Variants in TYW1 observed in about 807,000 individuals in gnomAD.
The protein encoded by TYW1 is tRNA-yW synthesizing protein 1 homolog, also known as S-adenosyl-L-methionine-dependent tRNA 4-demethylwyosine synthase TYW1.
Under a neutral mutation model 96.2 loss-of-function variants are expected in TYW1, and 46 were observed. The observed-to-expected ratio is 0.48, with a 90% CI of 0.38 to 0.61. The LOEUF (loss-of-function observed/expected upper bound fraction) is 0.61. TYW1 is among the 20% of genes least tolerant of loss of function. The pLI is 0.00. For synonymous variants in TYW1, 274 were observed against 323.0 expected, an observed-to-expected ratio of 0.85 and a Z score of 1.63; for missense variants, 684 against 909.6, an observed-to-expected ratio of 0.75 and a Z score of 3.19.
In TYW1 at chr7:67,076,362, C is replaced by G. The variant is rs373384291; in HGVS notation, c.1275-7068C>G. On this transcript the variant is annotated intron_variant, in intron 10 of 15. Coordinates refer to ENST00000359626, the MANE Select transcript of TYW1 (RefSeq NM_018264.4). ...TTGCTGAGAAAATTAAATTTATGTT[C>G]AGTTGCTATTTCTTTGTGACACTGG... 3.9e-5 allele frequency among the ~76,000 whole-genome samples: 6 copies of G among 152,286 alleles called. No homozygotes were observed. The East Asian group carries it at 9.6e-4, about 24-fold the overall frequency.
chr7:67,096,178 A>G lies in TYW1; in HGVS notation c.1385-2363A>G, dbSNP rs372048307. ...GCCGAGGCGGGCAGATCACGAGGTC[A>G]GGAGATCGAGACCATCCTGGCCAAC... is the stretch of plus-strand genomic sequence containing the variant. On this transcript the variant is annotated intron_variant, in intron 11 of 15. Coordinates refer to ENST00000359626, the MANE Select transcript of TYW1 (RefSeq NM_018264.4). Among the ~76,000 whole-genome samples, 19 of 152,356 alleles carry G rather than the reference A, an allele frequency of 1.2e-4. No homozygotes were observed. In the South Asian group the frequency reaches 3.9e-3, roughly 32 times the overall value.
intron 4 of TYW1, among the ~76,000 whole-genome samples, chr7:67,013,739 CTTT>C (rs931500833): frequency 5.1e-5 from 5 of 97,526 alleles, no homozygotes; most frequent in Admixed American, 1.3e-4. Flanking sequence ...GCATTTTTTC[CTTT>C]TTTTTTTTTT....
At chr7:67,160,623 A>C (rs970159558) in intron 13 of TYW1, among the ~76,000 whole-genome samples, 3 of 148,092 alleles carry the variant, frequency 2.0e-5, no homozygotes, top group Non-Finnish European at 4.4e-5. Flanking sequence ...TTGGAGTCTC[A>C]CTCTGTTGGC....
chr7:67,186,540 T>C (rs1800030405), intron 14 of TYW1, among the ~76,000 whole-genome samples: 1 of 152,072 alleles, frequency 6.6e-6, no homozygotes, highest in Non-Finnish European at 1.5e-5. Flanking sequence ...TAGACTGGAG[T>C]GCAGTGGTGC....
intron 7 of TYW1, among the ~76,000 whole-genome samples, chr7:67,028,897 C>T (rs541171785): frequency 1.9e-4 from 29 of 152,264 alleles, no homozygotes; most frequent in African/African-American, 6.7e-4. Context: ...GGTATATCCA[C>T]ACAATGGAAT....
chr7:67,156,074 C>T (rs7793104), intron 13 of TYW1, among the ~76,000 whole-genome samples: 33,568 of 151,942 alleles, frequency 0.22, 3,796 homozygotes, highest in South Asian at 0.28. Context: ...CCCGATCATT[C>T]GTAAGGCACC....
intron 13 of TYW1, among the ~76,000 whole-genome samples, chr7:67,156,395 C>T (rs927184207): frequency 6.6e-6 from 1 of 152,232 alleles, no homozygotes; most frequent in Non-Finnish European, 1.5e-5. Flanking sequence ...GACACATCTT[C>T]ATGCCCAGAG....
chr7:67,055,687 A>G (rs1188468457), intron 8 of TYW1, 148 bp from the exon 9 acceptor site: 1 of 547,730 alleles, frequency 1.8e-6, no homozygotes, highest in Non-Finnish European at 3.3e-6. Context: ...CATCTTGCTG[A>G]ATTAAATCTT....
intron 14 of TYW1, among the ~76,000 whole-genome samples, chr7:67,187,329 G>A (rs1800060800): frequency 1.3e-5 from 2 of 152,094 alleles, no homozygotes; most frequent in South Asian, 4.1e-4. Flanking sequence ...CTCCCAAAGT[G>A]TTGGGATTAC....
chr7:67,070,061 CT>C (rs1340270312), intron 10 of TYW1, among the ~76,000 whole-genome samples: 1 of 152,190 alleles, frequency 6.6e-6, no homozygotes, highest in Non-Finnish European at 1.5e-5. Flanking sequence ...CTCCCACTGC[CT>C]TCTGGCCTCC....
chr7:67,056,219 G>A (rs1795511443), intron 9 of TYW1, among the ~76,000 whole-genome samples: 5 of 152,134 alleles, frequency 3.3e-5, no homozygotes, highest in Admixed American at 3.3e-4. Flanking sequence ...GTGGCCAGAT[G>A]CAGTGGCTCA....
At chr7:67,231,202 C>T (rs541698473) in intron 15 of TYW1, among the ~76,000 whole-genome samples, 13 of 152,224 alleles carry the variant, frequency 8.5e-5, no homozygotes, top group Admixed American at 5.2e-4. Flanking sequence ...TGTGTTATTT[C>T]GCTAACAACT....
chr7:67,039,586 T>G (rs947689993), intron 7 of TYW1, among the ~76,000 whole-genome samples: 5 of 152,080 alleles, frequency 3.3e-5, no homozygotes, highest in African/African-American at 1.2e-4. Flanking sequence ...CTGAGGAACA[T>G]AGAGTTGTTG....
At chr7:67,035,722 A>G (rs1794814522) in intron 7 of TYW1, among the ~76,000 whole-genome samples, 1 of 152,276 alleles carries the variant, frequency 6.6e-6, no homozygotes, top group Non-Finnish European at 1.5e-5. Context: ...TCTGTTGCCC[A>G]GGCCAGAGTA....
At chr7:67,226,603 T>C (rs28502004) in intron 15 of TYW1, among the ~76,000 whole-genome samples, 40,766 of 152,006 alleles carry the variant, frequency 0.27, 5,825 homozygotes, top group African/African-American at 0.36. Flanking sequence ...ACTCTGCTGC[T>C]TGAATGTTCA....
chr7:67,220,724 TTTTC>T (rs1197869520), intron 15 of TYW1, among the ~76,000 whole-genome samples: 3 of 145,516 alleles, frequency 2.1e-5, no homozygotes, highest in Admixed American at 7.1e-5. Flanking sequence ...AAGTGCTTTA[TTTTC>T]TTTCTTTCTT....
chr7:67,139,212 C>T (rs574756964), intron 13 of TYW1, among the ~76,000 whole-genome samples: 125 of 152,168 alleles, frequency 8.2e-4, no homozygotes, highest in African/African-American at 2.9e-3. Flanking sequence ...CCGCCACACC[C>T]GGCTAATTTT....
chr7:67,173,851 CAT>C (rs1437863726), intron 13 of TYW1, among the ~76,000 whole-genome samples: 1 of 140,446 alleles, frequency 7.1e-6, no homozygotes, highest in Non-Finnish European at 1.5e-5. Flanking sequence ...TGAATGGTGT[CAT>C]ATGCTTTTTG....
At chr7:67,202,936 C>T (rs1380582236) in intron 15 of TYW1, among the ~76,000 whole-genome samples, 2 of 152,206 alleles carry the variant, frequency 1.3e-5, no homozygotes, top group African/African-American at 2.4e-5. Context: ...GATCATAGTA[C>T]GTTATCAAAA....
Sources: allele counts gnomAD v4.1 joint callset (sites outside exome capture counted in the v4.1 genomes callset), GRCh38; gene constraint gnomAD v4.1.1; transcripts MANE v1.5; gene names NCBI Gene and HGNC (gene_info 2026-07-23, HGNC 2026-07-21).